The following RNF213 variants were observed in gnomAD, a reference collection of about 807,000 sequenced individuals.
RNF213 encodes E3 ubiquitin-protein ligase RNF213.
A neutral mutation model predicts 514.4 loss-of-function variants in RNF213; 341 were observed. The ratio of observed to expected loss-of-function variants is 0.66; its 90% CI spans 0.61 to 0.73. The LOEUF (loss-of-function observed/expected upper bound fraction) is 0.73, where lower values mean the gene tolerates loss of function less well. Ranked by LOEUF, RNF213 falls within the 30% of genes least tolerant of loss-of-function variation. The pLI, the probability that RNF213 is intolerant of heterozygous loss-of-function variation, is 0.00. For missense variants in RNF213, 5,767 were observed against 6,615.6 expected, an observed-to-expected ratio of 0.87 and a Z score of 4.45; for synonymous variants, 2,655 against 2,658.2, an observed-to-expected ratio of 1.00 and a Z score of 0.04.
At position 80,309,123 on chromosome 17, in the gene RNF213, C is replaced by G. The variant is rs1381682123; in HGVS notation, c.2607C>G (p.Ala869=). 1 of 1,614,210 alleles carries G rather than the reference C, an allele frequency of 6.2e-7. No individual in the cohort carries two copies. Residue 869 remains alanine (A), a synonymous_variant, in exon 14 of 68, where the codon GCC becomes GCG. Transcript: ENST00000582970. ...TKLLKFYELP[A]LSAEIVCRMI... ...TACTTAAGTTTTACGAGCTGCCAGC[C>G]TTATCTGCCGAGATTGTCTGCAGAA...
chr17:80,389,465 G>T, intron 65 of RNF213, 98 bp downstream of exon 65: 11 of 1,078,660 alleles, frequency 1.0e-5, no homozygotes, highest in Non-Finnish European at 1.5e-5. Context: ...CACTCTAGGC[G>T]CTCCTGAAAA....
At chr17:80,297,643 C>T (rs2045006821) in intron 10 of RNF213, among the ~76,000 whole-genome samples, 1 of 151,210 alleles carries the variant, frequency 6.6e-6, no homozygotes, top group African/African-American at 2.4e-5. Flanking sequence ...AAAAACTAGC[C>T]AGGCATGGTG....
intron 18 of RNF213, among the ~76,000 whole-genome samples, chr17:80,325,918 G>T (rs755174909): frequency 2.0e-5 from 3 of 150,192 alleles, no homozygotes; most frequent in Non-Finnish European, 4.4e-5. Flanking sequence ...CTCTTGAAAA[G>T]ATCATTTTTG....
chr17:80,275,538 A>T (rs762777382), intron 3 of RNF213, among the ~76,000 whole-genome samples: 50 of 152,166 alleles, frequency 3.3e-4, no homozygotes, highest in Non-Finnish European at 6.3e-4. Flanking sequence ...ATGCTCGAGC[A>T]GGACGCACTC....
chr17:80,388,704 C>A lies in RNF213; in HGVS notation c.15000+15C>A. 1 of 1,580,636 alleles carries A rather than the reference C, an allele frequency of 6.3e-7. No individual in the cohort carries two copies. Among genetic ancestry groups the A allele is most frequent in the Non-Finnish European group, 8.7e-7 (1 of 1,150,760 alleles). On this transcript the variant is annotated intron_variant, in intron 64 of 67. Coordinates refer to ENST00000582970, the MANE Select transcript of RNF213 (RefSeq NM_001256071.3). ...AAATGGCACAGGTGATCCCGATAAACCTGATCCTGTGCACGGGGCTTTCTG... is the reference window on the plus strand; with the variant it reads ...AAATGGCACAGGTGATCCCGATAAAACTGATCCTGTGCACGGGGCTTTCTG...
At chr17:80,312,157 A>G (rs2045593692) in intron 14 of RNF213, among the ~76,000 whole-genome samples, 1 of 152,006 alleles carries the variant, frequency 6.6e-6, no homozygotes, top group Non-Finnish European at 1.5e-5. Context: ...AAAAGAAAAG[A>G]AAAAGACCAC....
In RNF213 at chr17:80,347,616, T is replaced by G. The variant is rs2078355983; in HGVS notation, c.9281T>G (p.Met3094Arg). The G allele has an allele frequency of 6.2e-7, 1 of 1,614,018 alleles. No individual in the cohort carries two copies. The highest frequency in any genetic ancestry group is 1.3e-5 in the African/African-American group (1 of 74,914). ...CRNINRVKIC[M>R]ETGKMVLLLN... The stretch of plus-strand genomic sequence containing the variant: ...AACATCAATCGTGTGAAGATCTGCA[T>G]GGAAACAGGCAAGATGGTGTTGCTT... The change falls in exon 29 of 68, where the codon ATG becomes AGG. Residue 3094 changes from methionine to arginine, a missense_variant. By Grantham distance (91) the Met-to-Arg change is moderately conservative. This residue lies in a region of RNF213 where 919 missense variants were observed against 1,121.0 expected (regional missense o/e 0.82). Coordinates refer to ENST00000582970, the MANE Select transcript of RNF213 (RefSeq NM_001256071.3). This position sits in a 1 kb window ranked among gnomAD's most constrained non-coding sequence, Gnocchi z 7.2.
intron 28 of RNF213, 150 bp from the exon 29 acceptor site, chr17:80,344,528 G>T: frequency 1.1e-6 from 1 of 874,254 alleles, no homozygotes; most frequent in Non-Finnish European, 1.8e-6. Context: ...AAGATATGCT[G>T]TGGAAAAAAA....
intron 18 of RNF213, among the ~76,000 whole-genome samples, chr17:80,325,586 C>T (rs2046257791): frequency 1.3e-5 from 2 of 152,200 alleles, no homozygotes; most frequent in East Asian, 1.9e-4. Context: ...AATCCAGACC[C>T]AGGTATGTCT....
rs968925047 is a variant in RNF213, at chr17:80,398,570, C to T, written c.*5072C>T. On this transcript the variant is annotated 3_prime_UTR_variant, in exon 68 of 68. Transcript: ENST00000582970. ...GGGTACCCACACCAGTTCCCGTACA[C>T]AGACACTTGGTTACAGCTGGTTTTA... 2.6e-5 allele frequency: 4 copies of T among 152,306 alleles called. No homozygotes were observed. The highest frequency in any genetic ancestry group is 2.6e-4 in the Admixed American group (4 of 15,292). 9.4% of individuals were successfully genotyped at this position (152,306 alleles called of 1,614,324 possible).
chr17:80,313,836 ATGG>A (rs1384263694), intron 15 of RNF213, among the ~76,000 whole-genome samples: 3 of 38,804 alleles, frequency 7.7e-5, no homozygotes, highest in African/African-American at 1.5e-4. Flanking sequence ...GGTGGAGGTG[ATGG>A]TGGAGGTACT....
rs146668070 is a variant in RNF213, at chr17:80,375,783, G to A, written c.13098G>A (p.Gln4366=). The A allele has an allele frequency of 6.8e-6, 11 of 1,614,034 alleles. No individual in the cohort carries two copies. The highest frequency in any genetic ancestry group is 6.8e-6 in the Non-Finnish European group (8 of 1,179,926). ...AGGCCTGCAAGACCCCCCAAAGCCA[G>A]CAGTCAGCCTACTTCCTGTTAACAC... ...ALKACKTPQS[Q]QSAYFLLTLF... Residue 4366 remains glutamine (Q), a synonymous_variant, in exon 51 of 68, where the codon CAG becomes CAA. Coordinates refer to ENST00000582970, the MANE Select transcript of RNF213 (RefSeq NM_001256071.3).
At chr17:80,303,711 A>T (rs962064683) in intron 11 of RNF213, among the ~76,000 whole-genome samples, 1 of 151,424 alleles carries the variant, frequency 6.6e-6, no homozygotes, top group African/African-American at 2.4e-5. Context: ...CTACAGGTGC[A>T]TGTCATCACA....
chr17:80,380,919 G>A lies in RNF213; in HGVS notation c.13729G>A (p.Val4577Met). Residue 4577 changes from valine (V) to methionine (M), a missense_variant, in exon 56 of 68, where the codon GTG becomes ATG. Physicochemically the swap from Val to Met is conservative, Grantham distance 21. Transcript: ENST00000582970. ...GACATGTGACCGAGGGCTGCCCCCAGTGGTCTTCCTCCTTATCCGGCTACT... is the reference window on the plus strand; with the variant it reads ...GACATGTGACCGAGGGCTGCCCCCAATGGTCTTCCTCCTTATCCGGCTACT... ...VVTCDRGLPP[V>M]VFLLIRLLTH... 1 of 1,614,186 alleles carries A rather than the reference G, an allele frequency of 6.2e-7. No individual in the cohort carries two copies. Among genetic ancestry groups the A allele is most frequent in the Non-Finnish European group, 8.5e-7 (1 of 1,180,040 alleles).
At position 80,353,135 on chromosome 17, in the gene RNF213, A is replaced by G. The variant is rs892765553; in HGVS notation, c.10423+76A>G. 13 of 1,588,004 alleles carry G rather than the reference A, an allele frequency of 8.2e-6. No individual in the cohort carries two copies. Among genetic ancestry groups the G allele is most frequent in the Non-Finnish European group, 1.1e-5 (13 of 1,168,238 alleles). ...GGCAGGTGTGGAGCGTGGCGTGCAC[A>G]TGGCACTAGGAGCAGGGCCACCGTG... On this transcript the variant is annotated intron_variant, in intron 33 of 67. Coordinates refer to ENST00000582970, the MANE Select transcript of RNF213 (RefSeq NM_001256071.3). The surrounding 1 kb of genome is among the most constrained non-coding windows in gnomAD (Gnocchi z 5.0).
In RNF213 at chr17:80,343,727, TG is replaced by T. The variant is rs1171199924; in HGVS notation, c.6184-129del. ...GGCTGCCCTTGGAGACATGGGCCGT[TG>T]TTGGCTGAAATGTTGATGTTGATCA... On this transcript the variant is annotated intron_variant, in intron 27 of 67. Coordinates refer to ENST00000582970, the MANE Select transcript of RNF213 (RefSeq NM_001256071.3). The surrounding 1 kb of genome is among the most constrained non-coding windows in gnomAD (Gnocchi z 4.3). 8 of 959,564 alleles carry T rather than the reference TG, an allele frequency of 8.3e-6. No homozygotes were observed. In the Admixed American group the frequency reaches 1.4e-4, roughly 16 times the overall value. The allele number at this position is 959,564 out of a possible 1,614,324, so 59.4% of individuals were successfully genotyped here. A position where few individuals can be genotyped will look rare whatever the true frequency, so the allele number is the denominator to read the frequency against.
Position 80,386,547 on chromosome 17 carries a change from G to A in RNF213, c.14720+117G>A, listed in dbSNP as rs113482971. 316 of 1,396,874 alleles carry A rather than the reference G, an allele frequency of 2.3e-4. 2 individuals are homozygous for A. In the African/African-American group the frequency reaches 3.5e-3, roughly 15 times the overall value. 86.5% of individuals were successfully genotyped at this position (1,396,874 alleles called of 1,614,324 possible). On this transcript the variant is annotated intron_variant, in intron 62 of 67. Transcript: ENST00000582970. ...CTAACAGACACTCACTCCTTCAGCC[G>A]CCCCCACCAGTGACCCGCCCCATAC...
intron 61 of RNF213, 89 bp downstream of exon 61, chr17:80,385,710 T>G: frequency 9.3e-7 from 1 of 1,080,578 alleles, no homozygotes; most frequent in Non-Finnish European, 1.4e-6. Flanking sequence ...CCCATCCCTG[T>G]CAACACCCAG....
chr17:80,351,454 G>T (rs572566569), intron 31 of RNF213, among the ~76,000 whole-genome samples: 1 of 152,306 alleles, frequency 6.6e-6, no homozygotes, highest in East Asian at 1.9e-4. Context: ...CAGGAATGGG[G>T]AAGAAAACGA....
Sources: allele counts gnomAD v4.1 joint callset (sites outside exome capture counted in the v4.1 genomes callset), GRCh38; gene constraint gnomAD v4.1.1; regional missense constraint gnomAD v4.1.1; non-coding constraint Gnocchi (gnomAD v3.1); transcripts MANE v1.5; gene names NCBI Gene and HGNC (gene_info 2026-07-23, HGNC 2026-07-21).